The following KLHL20 variants were observed in gnomAD, a reference collection of about 807,000 sequenced individuals.
The protein encoded by KLHL20 is kelch like family member 20.
A neutral mutation model predicts 69.5 loss-of-function variants in KLHL20; 29 were observed. The ratio of observed to expected loss-of-function variants is 0.42; its 90% CI spans 0.31 to 0.57. The LOEUF (loss-of-function observed/expected upper bound fraction) is 0.57. Among genes scored for constraint, KLHL20 ranks in the 20% least tolerant of loss-of-function variants. The pLI is 0.18. For missense variants in KLHL20, 419 were observed against 776.0 expected (o/e 0.54, Z 5.47); for synonymous variants, 253 against 265.2 (o/e 0.95, Z 0.45).
chr1:173,734,639 G>A, intron 3 of KLHL20: 1 of 229,736 alleles, frequency 4.4e-6, no homozygotes, highest in Non-Finnish European at 8.6e-6. Context: ...TCCTGATTAT[G>A]TGGATTATTC....
intron 7 of KLHL20, among the ~76,000 whole-genome samples, chr1:173,762,267 A>G (rs1647359873): frequency 6.6e-6 from 1 of 152,180 alleles, no homozygotes; most frequent in Non-Finnish European, 1.5e-5. Flanking sequence ...GACCAGACGG[A>G]TTCACAGCAG....
At chr1:173,766,878 A>G (rs1181441069) in intron 8 of KLHL20, among the ~76,000 whole-genome samples, 3 of 152,170 alleles carry the variant, frequency 2.0e-5, no homozygotes, top group African/African-American at 7.2e-5. Context: ...AAATCAAGCT[A>G]ACTAACATAT....
intron 2 of KLHL20, among the ~76,000 whole-genome samples, chr1:173,727,741 C>G (rs375160481): frequency 2.0e-5 from 3 of 152,222 alleles, no homozygotes; most frequent in South Asian, 2.1e-4. Context: ...AAAAGAGCTC[C>G]TGAAGGAGGC....
chr1:173,734,936 G>GCAGT (rs1420601798), intron 3 of KLHL20, among the ~76,000 whole-genome samples: 1 of 152,160 alleles, frequency 6.6e-6, no homozygotes, highest in Non-Finnish European at 1.5e-5. Flanking sequence ...TTACAAAGAA[G>GCAGT]CAGTCCTGGA....
chr1:173,738,928 C>T (rs1672661737), intron 3 of KLHL20, among the ~76,000 whole-genome samples: 2 of 152,128 alleles, frequency 1.3e-5, no homozygotes, highest in African/African-American at 4.8e-5. Flanking sequence ...CATCTATGTT[C>T]ATCAGGGATA....
intron 7 of KLHL20, among the ~76,000 whole-genome samples, chr1:173,758,698 G>A (rs1673661715): frequency 6.6e-6 from 1 of 152,216 alleles, no homozygotes; most frequent in Admixed American, 6.5e-5. Context: ...AACAGGGGTA[G>A]AGGAAGCAGC....
intron 8 of KLHL20, among the ~76,000 whole-genome samples, chr1:173,770,704 A>T (rs1346463273): frequency 6.6e-6 from 1 of 152,084 alleles, no homozygotes; most frequent in African/African-American, 2.4e-5. Context: ...AGAGAGGAAA[A>T]AAAAAAACAA....
intron 8 of KLHL20, among the ~76,000 whole-genome samples, chr1:173,769,864 C>G (rs988004144): frequency 1.3e-5 from 2 of 151,172 alleles, no homozygotes; most frequent in African/African-American, 4.9e-5. Flanking sequence ...ATCAAAACAT[C>G]TCACATACCC....
intron 5 of KLHL20, among the ~76,000 whole-genome samples, chr1:173,753,818 G>A (rs193272389): frequency 2.0e-5 from 3 of 152,102 alleles, no homozygotes; most frequent in African/African-American, 7.2e-5. Context: ...GTTTTTTGAC[G>A]AAAGAAACTC....
At chr1:173,728,508 GC>G (rs1252398563) in intron 2 of KLHL20, among the ~76,000 whole-genome samples, 1 of 152,100 alleles carries the variant, frequency 6.6e-6, no homozygotes, top group Non-Finnish European at 1.5e-5. Context: ...GCTCTCCTCA[GC>G]AAATGTAAAA....
At chr1:173,777,389 G>A (rs1473716739) in intron 10 of KLHL20, among the ~76,000 whole-genome samples, 1 of 152,064 alleles carries the variant, frequency 6.6e-6, no homozygotes. Context: ...TTTCCAATTT[G>A]GATGCCCTTT....
At chr1:173,716,597 G>A (rs1297440413) in intron 2 of KLHL20, among the ~76,000 whole-genome samples, 3 of 151,946 alleles carry the variant, frequency 2.0e-5, no homozygotes, top group Non-Finnish European at 4.4e-5. Flanking sequence ...ACAATGTCTG[G>A]GAAAATATAG....
At chr1:173,746,343 T>C (rs946399056) in intron 3 of KLHL20, among the ~76,000 whole-genome samples, 1 of 152,194 alleles carries the variant, frequency 6.6e-6, no homozygotes, top group African/African-American at 2.4e-5. Flanking sequence ...AAATGTACTA[T>C]GCAGACTATG....
At chr1:173,771,785 G>C (rs970718676) in intron 8 of KLHL20, among the ~76,000 whole-genome samples, 1 of 152,180 alleles carries the variant, frequency 6.6e-6, no homozygotes, top group Admixed American at 6.5e-5. Context: ...AAATAAAAGG[G>C]AGAGAGTGTA....
chr1:173,754,774 G>T (rs1336055779), intron 5 of KLHL20, among the ~76,000 whole-genome samples: 3 of 152,146 alleles, frequency 2.0e-5, no homozygotes, highest in Non-Finnish European at 4.4e-5. Context: ...AAGTACTTAT[G>T]AAGTCATATT....
At chr1:173,743,105 T>C (rs76265477) in intron 3 of KLHL20, among the ~76,000 whole-genome samples, 14,836 of 117,834 alleles carry the variant, frequency 0.13, 1,027 homozygotes, top group East Asian at 0.26. Context: ...GCATAGGGTA[T>C]AATAAGGAAT....
At chr1:173,728,191 A>G (rs1026553413) in intron 2 of KLHL20, among the ~76,000 whole-genome samples, 5 of 152,236 alleles carry the variant, frequency 3.3e-5, no homozygotes, top group African/African-American at 1.2e-4. Context: ...AAGAAGAGCT[A>G]ACTATCCTAA....
Position 173,748,883 on chromosome 1 carries a change from AT to A in KLHL20, c.598-2873del, listed in dbSNP as rs1305355340. Among the ~76,000 whole-genome samples, 9 of 152,194 alleles carry A rather than the reference AT, an allele frequency of 5.9e-5. No individual in the cohort carries two copies. The East Asian group carries it at 9.6e-4, about 16-fold the overall frequency. On this transcript the variant is annotated intron_variant, in intron 3 of 11. Coordinates refer to ENST00000209884, the MANE Select transcript of KLHL20 (RefSeq NM_014458.4). Reference sequence around the variant, plus strand: ...GAACTCATTGAGCTATACACTTAAAATTTTTTTTAATGTCTTGCTCTAACTA... The same window carrying A: ...GAACTCATTGAGCTATACACTTAAAATTTTTTTAATGTCTTGCTCTAACTA...
At chr1:173,749,906 A>C (rs1159929623) in intron 3 of KLHL20, among the ~76,000 whole-genome samples, 3 of 152,200 alleles carry the variant, frequency 2.0e-5, no homozygotes, top group Admixed American at 1.3e-4. Context: ...CACTTACTAG[A>C]GCTAAGCCCC....
Sources: allele counts gnomAD v4.1 joint callset (sites outside exome capture counted in the v4.1 genomes callset), GRCh38; gene constraint gnomAD v4.1.1; transcripts MANE v1.5; gene names NCBI Gene and HGNC (gene_info 2026-07-23, HGNC 2026-07-21).